STXBP6: variants seen among roughly 807,000 people sequenced by gnomAD.
STXBP6 encodes syntaxin-binding protein 6.
A neutral mutation model predicts 26.9 loss-of-function variants in STXBP6; 21 were observed. The observed-to-expected ratio is 0.78, with a 90% CI of 0.55 to 1.12. The LOEUF is 1.12. Among genes scored for constraint, STXBP6 ranks in the 50% most tolerant of loss-of-function variants. STXBP6 has a pLI of 0.00. For synonymous variants in STXBP6, 97 were observed against 92.6 expected (o/e 1.05, Z -0.27); for missense variants, 232 against 257.9 (o/e 0.90, Z 0.69).
chr14:24,842,499 C>T (rs2068813949), intron 4 of STXBP6, among the ~76,000 whole-genome samples: 1 of 152,106 alleles, frequency 6.6e-6, no homozygotes. Context: ...TTAATTTCCT[C>T]TATTCATGGT....
At chr14:24,886,988 AT>A (rs2070613365) in intron 2 of STXBP6, among the ~76,000 whole-genome samples, 1 of 152,234 alleles carries the variant, frequency 6.6e-6, no homozygotes. Flanking sequence ...TTTCTAAACA[AT>A]AAACATGCAA....
chr14:25,015,078 T>C (rs11626966), intron 1 of STXBP6, among the ~76,000 whole-genome samples: 9,484 of 152,314 alleles, frequency 0.062, 345 homozygotes, highest in Middle Eastern at 0.089. Context: ...CGAACAGTAT[T>C]ATAATGAAGA....
chr14:25,032,841 T>C (rs1228084255), intron 1 of STXBP6, among the ~76,000 whole-genome samples: 5 of 152,128 alleles, frequency 3.3e-5, no homozygotes, highest in African/African-American at 1.2e-4. Context: ...AAAAGACACA[T>C]TTCTAAGTGC....
At chr14:25,002,983 T>A (rs1164560448) in intron 1 of STXBP6, among the ~76,000 whole-genome samples, 1 of 152,178 alleles carries the variant, frequency 6.6e-6, no homozygotes, top group Non-Finnish European at 1.5e-5. Flanking sequence ...CGCCTCGGCC[T>A]CTCAAAGTGC....
chr14:25,000,587 G>A (rs1380798168), intron 1 of STXBP6, among the ~76,000 whole-genome samples: 1 of 150,904 alleles, frequency 6.6e-6, no homozygotes, highest in Admixed American at 6.6e-5. Flanking sequence ...ATTAAAACCA[G>A]AACCTTCTTC....
chr14:24,987,875 T>C (rs1383108873), intron 1 of STXBP6: 1 of 985,398 alleles, frequency 1.0e-6, no homozygotes, highest in Non-Finnish European at 1.2e-6. Flanking sequence ...TGGAATAAGA[T>C]ACACACTTAC....
chr14:24,814,417 C>G (rs367977563), intron 5 of STXBP6, among the ~76,000 whole-genome samples: 3 of 152,200 alleles, frequency 2.0e-5, no homozygotes, highest in African/African-American at 7.2e-5. Flanking sequence ...AAATACTGAC[C>G]ATAAATATTT....
intron 1 of STXBP6, among the ~76,000 whole-genome samples, chr14:24,990,383 G>A (rs1317721697): frequency 2.6e-5 from 4 of 152,166 alleles, no homozygotes; most frequent in African/African-American, 4.8e-5. Context: ...GCTGCGCCGC[G>A]CGCAGTGGCT....
intron 1 of STXBP6, among the ~76,000 whole-genome samples, chr14:24,998,148 G>A (rs1299138389): frequency 6.6e-6 from 1 of 152,084 alleles, no homozygotes; most frequent in Non-Finnish European, 1.5e-5. Context: ...GTGTAAGACT[G>A]CATTTTTTCT....
At chr14:24,928,246 C>G (rs2072251119) in intron 2 of STXBP6, among the ~76,000 whole-genome samples, 2 of 152,006 alleles carry the variant, frequency 1.3e-5, no homozygotes, top group South Asian at 4.2e-4. Context: ...GAGTTTGGCT[C>G]CCCCAGCACT....
At chr14:24,897,884 T>C (rs12879748) in intron 2 of STXBP6, among the ~76,000 whole-genome samples, 51,335 of 152,064 alleles carry the variant, frequency 0.34, 8,776 homozygotes, top group African/African-American at 0.41. Context: ...TTGGCTCTTA[T>C]AATAATTCTT....
intron 4 of STXBP6, among the ~76,000 whole-genome samples, chr14:24,834,943 T>G (rs1284311252): frequency 6.6e-6 from 1 of 152,160 alleles, no homozygotes; most frequent in African/African-American, 2.4e-5. Context: ...ATGATACACA[T>G]GAAGGGTTTG....
At chr14:24,913,553 T>C (rs2139744947) in intron 2 of STXBP6, among the ~76,000 whole-genome samples, 1 of 152,270 alleles carries the variant, frequency 6.6e-6, no homozygotes, top group East Asian at 1.9e-4. Context: ...GAGGCTACTT[T>C]GAGAAGAAAA....
intron 2 of STXBP6, among the ~76,000 whole-genome samples, chr14:24,968,497 T>TGCCA (rs2073805447): frequency 6.6e-6 from 1 of 152,172 alleles, no homozygotes; most frequent in Non-Finnish European, 1.5e-5. Context: ...TTCTCTCCTA[T>TGCCA]GCCAGATCAC....
At chr14:24,953,007 G>A (rs369078965) in intron 2 of STXBP6, among the ~76,000 whole-genome samples, 1 of 152,176 alleles carries the variant, frequency 6.6e-6, no homozygotes, top group African/African-American at 2.4e-5. Context: ...GGGTGAGAAT[G>A]ATGTCTTCTA....
At chr14:24,913,108 C>T (rs2071633244) in intron 2 of STXBP6, among the ~76,000 whole-genome samples, 1 of 152,080 alleles carries the variant, frequency 6.6e-6, no homozygotes, top group Non-Finnish European at 1.5e-5. Context: ...TGGTATGAAA[C>T]TCAAATTATC....
intron 2 of STXBP6, among the ~76,000 whole-genome samples, chr14:24,951,814 A>T (rs1456195544): frequency 6.6e-6 from 1 of 152,056 alleles, no homozygotes; most frequent in Non-Finnish European, 1.5e-5. Flanking sequence ...CACTATTTTA[A>T]TCCTTCTGGT....
chr14:24,945,357 A>T (rs140560281), intron 2 of STXBP6, among the ~76,000 whole-genome samples: 15 of 151,900 alleles, frequency 9.9e-5, no homozygotes, highest in African/African-American at 3.6e-4. Context: ...CTTGAGGCCA[A>T]GAGTTCAAGA....
intron 1 of STXBP6, among the ~76,000 whole-genome samples, chr14:25,032,225 C>G (rs1030989375): frequency 1.2e-4 from 18 of 152,230 alleles, no homozygotes; most frequent in African/African-American, 4.3e-4. Context: ...AGTACTGATC[C>G]CCAGGACTAT....
Sources: allele counts gnomAD v4.1 joint callset (sites outside exome capture counted in the v4.1 genomes callset), GRCh38; gene constraint gnomAD v4.1.1; transcripts MANE v1.5; gene names NCBI Gene and HGNC (gene_info 2026-07-23, HGNC 2026-07-21).